Variants in CHRM2 observed in about 807,000 individuals in gnomAD.
CHRM2 encodes the protein cholinergic receptor muscarinic 2.
A neutral mutation model predicts 25.0 loss-of-function variants in CHRM2; 8 were observed. That is an observed-to-expected ratio of 0.32 (90% CI 0.19 to 0.58). The LOEUF is 0.58. Ranked by LOEUF, CHRM2 falls within the 20% of genes least tolerant of loss-of-function variation. The pLI is 0.88. For missense variants in CHRM2, 440 were observed against 567.1 expected (o/e 0.78, Z 2.28); for synonymous variants, 202 against 205.7 (o/e 0.98, Z 0.15).
At chr7:136,930,495 AT>A (rs1177326685) in intron 2 of CHRM2, among the ~76,000 whole-genome samples, 1 of 152,204 alleles carries the variant, frequency 6.6e-6, no homozygotes, top group Non-Finnish European at 1.5e-5. Context: ...TTAAATTAAA[AT>A]TTAAGTTTAA....
intron 2 of CHRM2, among the ~76,000 whole-genome samples, chr7:136,981,660 T>C (rs1383658792): frequency 2.0e-5 from 3 of 152,174 alleles, no homozygotes; most frequent in African/African-American, 7.2e-5. Flanking sequence ...TTTGTTCTCA[T>C]TGGTTTCAAA....
chr7:136,974,162 G>C (rs559333038), intron 2 of CHRM2, among the ~76,000 whole-genome samples: 7 of 152,186 alleles, frequency 4.6e-5, no homozygotes, highest in Admixed American at 2.6e-4. Flanking sequence ...AAGTACTTAC[G>C]ATGCTTCTAC....
At chr7:136,949,918 C>G (rs1800303279) in intron 2 of CHRM2, among the ~76,000 whole-genome samples, 1 of 152,090 alleles carries the variant, frequency 6.6e-6, no homozygotes, top group Non-Finnish European at 1.5e-5. Context: ...TATAACTATT[C>G]ACCTTCATGA....
At chr7:136,891,450 G>A (rs1285294783) in intron 2 of CHRM2, among the ~76,000 whole-genome samples, 2 of 152,166 alleles carry the variant, frequency 1.3e-5, no homozygotes, top group African/African-American at 2.4e-5. Flanking sequence ...GATGGGGTTT[G>A]GGGGATGAGG....
intron 2 of CHRM2, among the ~76,000 whole-genome samples, chr7:136,941,136 C>T (rs546135000): frequency 3.3e-5 from 5 of 152,304 alleles, no homozygotes; most frequent in African/African-American, 9.6e-5. Flanking sequence ...ACAATTCATC[C>T]TGCATCCTGT....
chr7:136,941,203 C>T (rs1799752602), intron 2 of CHRM2, among the ~76,000 whole-genome samples: 1 of 152,184 alleles, frequency 6.6e-6, no homozygotes. Flanking sequence ...TAGCTTAAAA[C>T]TCTTCAGTGC....
intron 2 of CHRM2, among the ~76,000 whole-genome samples, chr7:136,942,695 A>G (rs951910411): frequency 1.3e-5 from 2 of 152,074 alleles, no homozygotes; most frequent in South Asian, 2.1e-4. Context: ...GCTGCTTCTC[A>G]TCATCTTCTG....
intron 2 of CHRM2, among the ~76,000 whole-genome samples, chr7:136,908,655 A>G (rs995037356): frequency 3.3e-5 from 5 of 151,980 alleles, no homozygotes; most frequent in African/African-American, 9.7e-5. Flanking sequence ...GTTTTGAATG[A>G]TCAGGTATTA....
At chr7:136,930,795 G>T (rs2130777538) in intron 2 of CHRM2, among the ~76,000 whole-genome samples, 1 of 151,172 alleles carries the variant, frequency 6.6e-6, no homozygotes, top group African/African-American at 2.4e-5. Context: ...TACTCAGGAG[G>T]CTGAGGCAGG....
chr7:136,936,559 T>C (rs1395345532), intron 2 of CHRM2, among the ~76,000 whole-genome samples: 1 of 152,122 alleles, frequency 6.6e-6, no homozygotes, highest in Non-Finnish European at 1.5e-5. Context: ...CACAGATAAA[T>C]TGTTTAAGAT....
chr7:136,993,905 TA>T (rs1803397867), intron 3 of CHRM2, among the ~76,000 whole-genome samples: 1 of 147,910 alleles, frequency 6.8e-6, no homozygotes, highest in Non-Finnish European at 1.5e-5. Flanking sequence ...TTAAAAGTCT[TA>T]AAAAAATCCA....
At chr7:137,000,172 T>C (rs1453333104) in intron 3 of CHRM2, among the ~76,000 whole-genome samples, 5 of 150,726 alleles carry the variant, frequency 3.3e-5, no homozygotes, top group African/African-American at 1.2e-4. Flanking sequence ...GTTCAGCTTG[T>C]CTTTCATAAT....
At chr7:136,971,833 T>C (rs1004218641) in intron 2 of CHRM2, among the ~76,000 whole-genome samples, 5 of 152,204 alleles carry the variant, frequency 3.3e-5, no homozygotes, top group African/African-American at 9.6e-5. Context: ...AAGCATCTTG[T>C]GTTCCTTCCA....
At chr7:136,935,300 A>G (rs568409791) in intron 2 of CHRM2, among the ~76,000 whole-genome samples, 1 of 152,286 alleles carries the variant, frequency 6.6e-6, no homozygotes, top group African/African-American at 2.4e-5. Context: ...TTCTTATATA[A>G]AGCATGCGGC....
chr7:136,929,434 A>G (rs2130771706), intron 2 of CHRM2, among the ~76,000 whole-genome samples: 1 of 152,200 alleles, frequency 6.6e-6, no homozygotes, highest in East Asian at 1.9e-4. Flanking sequence ...AAATATACAC[A>G]GTTGCTGCCT....
At chr7:136,977,804 C>A (rs1162284832) in intron 2 of CHRM2, among the ~76,000 whole-genome samples, 4 of 152,186 alleles carry the variant, frequency 2.6e-5, no homozygotes, top group Admixed American at 6.5e-5. Flanking sequence ...CCCATAAATT[C>A]TTTACCAAGG....
At chr7:136,928,921 T>G (rs1481533488) in intron 2 of CHRM2, among the ~76,000 whole-genome samples, 1 of 152,116 alleles carries the variant, frequency 6.6e-6, no homozygotes, top group African/African-American at 2.4e-5. Context: ...AGGGTTGCTG[T>G]GAGGATGAAA....
chr7:136,878,022 CA>C (rs1796113533), intron 2 of CHRM2, among the ~76,000 whole-genome samples: 1 of 151,948 alleles, frequency 6.6e-6, no homozygotes, highest in Non-Finnish European at 1.5e-5. Context: ...GAAAAAAATA[CA>C]TTTCACAACC....
intron 2 of CHRM2, chr7:136,906,915 C>A (rs925701361): frequency 6.6e-6 from 1 of 151,638 alleles, no homozygotes; most frequent in African/African-American, 2.4e-5. Flanking sequence ...CACCATAATG[C>A]AGAATCAGTG....
Sources: allele counts gnomAD v4.1 joint callset (sites outside exome capture counted in the v4.1 genomes callset), GRCh38; gene constraint gnomAD v4.1.1; transcripts MANE v1.5; gene names NCBI Gene and HGNC (gene_info 2026-07-23, HGNC 2026-07-21).